CBFA2T2: variants seen among roughly 807,000 people sequenced by gnomAD.
CBFA2T2 encodes the protein protein CBFA2T2.
In CBFA2T2, 11 loss-of-function variants were observed where a neutral mutation model predicts 62.2. The ratio of observed to expected loss-of-function variants is 0.18; its 90% CI spans 0.11 to 0.29. The LOEUF (loss-of-function observed/expected upper bound fraction) is 0.29, where lower values mean the gene tolerates loss of function less well. Ranked by LOEUF, CBFA2T2 falls within the 10% of genes least tolerant of loss-of-function variation. The pLI is 1.00. For missense variants in CBFA2T2, 592 were observed against 774.1 expected (o/e 0.76, Z 2.79); for synonymous variants, 295 against 287.5 (o/e 1.03, Z -0.27).
At chr20:33,520,943 TAC>T (rs149126825) in intron 1 of CBFA2T2, among the ~76,000 whole-genome samples, 145 of 142,872 alleles carry the variant, frequency 1.0e-3, no homozygotes, top group African/African-American at 3.3e-3. Context: ...TGCCATCACA[TAC>T]ACACACACAC....
At chr20:33,509,322 G>A (rs1217007131) in intron 1 of CBFA2T2, among the ~76,000 whole-genome samples, 1 of 151,760 alleles carries the variant, frequency 6.6e-6, no homozygotes, top group Admixed American at 6.6e-5. Context: ...AGTCAAGATT[G>A]CACCACTGCA....
chr20:33,635,465 G>T (rs768979785), intron 8 of CBFA2T2, among the ~76,000 whole-genome samples: 2 of 152,192 alleles, frequency 1.3e-5, no homozygotes, highest in African/African-American at 2.4e-5. Flanking sequence ...CCTAGAAAGC[G>T]CCCAGTCCAC....
intron 1 of CBFA2T2, among the ~76,000 whole-genome samples, chr20:33,505,521 C>G (rs1028429957): frequency 2.0e-5 from 3 of 152,084 alleles, no homozygotes; most frequent in African/African-American, 4.8e-5. Flanking sequence ...CAGTGGCTCA[C>G]GCCTGTAATC....
At chr20:33,578,061 C>T (rs1019218753) in intron 1 of CBFA2T2, among the ~76,000 whole-genome samples, 7 of 152,046 alleles carry the variant, frequency 4.6e-5, no homozygotes, top group Admixed American at 2.0e-4. Context: ...AAGGTGTGTA[C>T]GGTGTTCCTG....
rs568960660 is a variant in CBFA2T2 at position 33,514,183 on chromosome 20, G to A, written c.34+23882G>A. Among the ~76,000 whole-genome samples, 12 of 141,036 alleles carry A rather than the reference G, an allele frequency of 8.5e-5. No homozygotes were observed. In the East Asian group the frequency reaches 1.3e-3, roughly 15 times the overall value. The allele number at this position is 141,036 out of a possible 152,430, so 92.5% of individuals were successfully genotyped here. A position where few individuals can be genotyped will look rare whatever the true frequency, so the allele number is the denominator to read the frequency against. ...CTCCCAAAGTGCTAAGATTACAGGCGTGAGCCACCGTGCCCTGCCTTTGTT... is the reference window on the plus strand; with the variant it reads ...CTCCCAAAGTGCTAAGATTACAGGCATGAGCCACCGTGCCCTGCCTTTGTT... On this transcript the variant is annotated intron_variant, in intron 1 of 10. Transcript: ENST00000342704.
chr20:33,531,621 A>G (rs988746739), intron 1 of CBFA2T2, among the ~76,000 whole-genome samples: 2 of 152,226 alleles, frequency 1.3e-5, no homozygotes, highest in Non-Finnish European at 2.9e-5. Context: ...AAAACTGTGT[A>G]GGCATAAATG....
At chr20:33,636,803 G>T (rs2016650443) in intron 9 of CBFA2T2, 95 bp downstream of exon 9, 3 of 900,620 alleles carry the variant, frequency 3.3e-6, no homozygotes, top group Non-Finnish European at 3.6e-6. Flanking sequence ...TGGGTCCTTT[G>T]GTTGTATAAT....
intron 7 of CBFA2T2, among the ~76,000 whole-genome samples, chr20:33,628,963 T>C (rs2016350611): frequency 6.6e-6 from 1 of 152,202 alleles, no homozygotes; most frequent in Non-Finnish European, 1.5e-5. Flanking sequence ...TGTAGTATAA[T>C]GGTTAACAAC....
At chr20:33,564,038 G>A (rs1388206358) in intron 1 of CBFA2T2, among the ~76,000 whole-genome samples, 7 of 152,142 alleles carry the variant, frequency 4.6e-5, no homozygotes, top group Admixed American at 2.6e-4. Flanking sequence ...CCCCCACTCC[G>A]CGACCTCCCG....
chr20:33,533,166 A>G (rs2012108082), intron 1 of CBFA2T2, among the ~76,000 whole-genome samples: 1 of 152,230 alleles, frequency 6.6e-6, no homozygotes, highest in Non-Finnish European at 1.5e-5. Flanking sequence ...ACACATATGT[A>G]AAGTGTACAG....
Position 33,624,943 on chromosome 20 carries a change from C to A in CBFA2T2, c.872C>A (p.Ala291Glu). Residue 291 changes from alanine to glutamate, a missense_variant, in exon 6 of 11, where the codon GCA becomes GAA. Physicochemically the swap from Ala to Glu is moderately radical, Grantham distance 107. Around this residue, in one of 3 missense-constraint regions of CBFA2T2, gnomAD observed 449 missense variants for 551.2 expected, o/e 0.81. Coordinates refer to ENST00000342704, the MANE Select transcript of CBFA2T2 (RefSeq NM_001032999.3). ...PLQHYTLEDI[A>E]TSHLYREPNK... is the part of the protein sequence containing the mutation. ...CAGCATTACACCTTAGAGGATATTG[C>A]AACTTCTCACCTGTATCGGGAACCC... is the stretch of plus-strand genomic sequence containing the variant. 6.2e-7 allele frequency: 1 copy of A among 1,614,118 alleles called. No homozygotes were observed. Among genetic ancestry groups the A allele is most frequent in the Non-Finnish European group, 8.5e-7 (1 of 1,179,990 alleles).
rs373180801 is a variant in CBFA2T2, at chr20:33,611,345, G to C, written c.420+10G>C. The C allele has an allele frequency of 2.5e-6, 4 of 1,612,072 alleles. No homozygotes were observed. The highest frequency in any genetic ancestry group is 2.7e-5 in the African/African-American group (2 of 74,916). ...TGTTCTTGCACTGGTGGTAAGTACA[G>C]CCTCACTGTTGTTCTCAGCTGCCTG... On this transcript the variant is annotated intron_variant, in intron 3 of 10. Coordinates refer to ENST00000342704, the MANE Select transcript of CBFA2T2 (RefSeq NM_001032999.3).
At chr20:33,511,238 A>G (rs1002681972) in intron 1 of CBFA2T2, among the ~76,000 whole-genome samples, 1 of 152,122 alleles carries the variant, frequency 6.6e-6, no homozygotes, top group African/African-American at 2.4e-5. Context: ...GGTATTGCCT[A>G]GGTTTTCTTC....
chr20:33,642,164 G>GT (rs2016883336), intron 10 of CBFA2T2, among the ~76,000 whole-genome samples: 7 of 145,564 alleles, frequency 4.8e-5, no homozygotes, highest in South Asian at 4.4e-4. Flanking sequence ...GTGTGTGTGT[G>GT]GATAACAGGG....
intron 10 of CBFA2T2, 128 bp downstream of exon 10, chr20:33,640,659 C>CCT: frequency 2.6e-6 from 2 of 773,744 alleles, no homozygotes; most frequent in Non-Finnish European, 4.1e-6. Flanking sequence ...TAATTTTTAT[C>CCT]CAGTGCCAGG....
chr20:33,648,950 A>G lies in CBFA2T2; in HGVS notation c.*4304A>G, dbSNP rs78984173. On this transcript the variant is annotated 3_prime_UTR_variant, in exon 11 of 11. Transcript: ENST00000342704. ...TCTGGGTAGTTCTAGAGGATATCGC[A>G]ACAAGTGCGTTTGAAGGTTCAGCAC... 3.9e-5 allele frequency: 6 copies of G among 152,262 alleles called. No homozygotes were observed. In the East Asian group the frequency reaches 1.2e-3, roughly 29 times the overall value. 9.4% of individuals were successfully genotyped at this position (152,262 alleles called of 1,614,324 possible). A position where few individuals can be genotyped will look rare whatever the true frequency, so the allele number is the denominator to read the frequency against.
chr20:33,510,213 T>TTGGAGACAGA (rs1555829085), intron 1 of CBFA2T2, among the ~76,000 whole-genome samples: 3 of 150,644 alleles, frequency 2.0e-5, no homozygotes, highest in African/African-American at 7.3e-5. Flanking sequence ...CTTTTTTTCT[T>TTGGAGACAGA]GTTTTTTTTT....
rs184905598 is a variant in CBFA2T2 at position 33,537,331 on chromosome 20, A to T, written c.34+47030A>T. ...GAAACCCCGTCTCCACCAAAAAAGTAAGAAAACCAGTCAGGCGTGGCAGCG... is the reference window on the plus strand; with the variant it reads ...GAAACCCCGTCTCCACCAAAAAAGTTAGAAAACCAGTCAGGCGTGGCAGCG... On this transcript the variant is annotated intron_variant, in intron 1 of 10. Coordinates refer to ENST00000342704, the MANE Select transcript of CBFA2T2 (RefSeq NM_001032999.3). Among the ~76,000 whole-genome samples the T allele has an allele frequency of 4.6e-4, 70 of 152,368 alleles. 1 individual carries two copies. Among genetic ancestry groups the T allele is most frequent in the Admixed American group, 1.4e-3 (21 of 15,306 alleles).
chr20:33,636,258 CAAAA>C (rs34178424), intron 8 of CBFA2T2, among the ~76,000 whole-genome samples: 2 of 75,108 alleles, frequency 2.7e-5, no homozygotes, highest in Admixed American at 1.4e-4. Context: ...GACTCCGTCT[CAAAA>C]AAAAAAAAAA....
Sources: allele counts gnomAD v4.1 joint callset (sites outside exome capture counted in the v4.1 genomes callset), GRCh38; gene constraint gnomAD v4.1.1; regional missense constraint gnomAD v4.1.1; transcripts MANE v1.5; gene names NCBI Gene and HGNC (gene_info 2026-07-23, HGNC 2026-07-21).